SEC31B: variants seen among roughly 807,000 people sequenced by gnomAD.
SEC31B encodes the protein SEC31 homolog B, COPII component, also known as protein transport protein Sec31B.
A neutral mutation model predicts 135.0 loss-of-function variants in SEC31B; 113 were observed. The ratio of observed to expected loss-of-function variants is 0.84; its 90% CI spans 0.72 to 0.98. The LOEUF is 0.98. SEC31B is among the 50% of genes least tolerant of loss of function. SEC31B has a pLI of 0.00. For missense variants in SEC31B, 1,296 were observed against 1,421.1 expected (o/e 0.91, Z 1.42); for synonymous variants, 508 against 549.4 (o/e 0.92, Z 1.05).
Position 100,516,908 on chromosome 10 carries a change from G to A in SEC31B, c.45C>T (p.Ser15=), listed in dbSNP as rs1737969778. 1.2e-6 allele frequency: 2 copies of A among 1,613,972 alleles called. No homozygotes were observed. The highest frequency in any genetic ancestry group is 1.7e-6 in the Non-Finnish European group (2 of 1,180,000). ...GATACAAAGGGTATTGGCTGGCTGG[G>A]CTCCATGCCTGGACAGCTGGCCGCT... ...ELERPAVQAW[S]PASQYPLYLA... The change falls in exon 2 of 26, where the codon AGC becomes AGT. Residue 15 remains serine (S), a synonymous_variant. Coordinates refer to ENST00000370345, the MANE Select transcript of SEC31B (RefSeq NM_015490.4).
chr10:100,513,246 A>G (rs574259977), intron 3 of SEC31B, among the ~76,000 whole-genome samples: 11 of 152,332 alleles, frequency 7.2e-5, no homozygotes, highest in African/African-American at 2.2e-4. Flanking sequence ...ACAGTTACAG[A>G]GGTGGGAAAA....
At chr10:100,490,508 G>A in intron 20 of SEC31B, 186 bp from the exon 21 acceptor site, 2 of 869,192 alleles carry the variant, frequency 2.3e-6, no homozygotes, top group Non-Finnish European at 3.4e-6. Context: ...CAATCCCATA[G>A]CATTGAAATA....
At chr10:100,506,242 C>A in intron 8 of SEC31B, 41 bp from the exon 9 acceptor site, 1 of 1,614,052 alleles carries the variant, frequency 6.2e-7, no homozygotes, top group Non-Finnish European at 8.5e-7. Context: ...GTCCATGAAA[C>A]CCAAAACACA....
intron 1 of SEC31B, among the ~76,000 whole-genome samples, chr10:100,519,515 G>A (rs1589743848): frequency 6.6e-6 from 1 of 152,390 alleles, no homozygotes; most frequent in East Asian, 1.9e-4. Context: ...GGACCAAGGC[G>A]GATGGGAAGG....
chr10:100,492,913 A>T (rs755901701), intron 19 of SEC31B, among the ~76,000 whole-genome samples: 31 of 152,334 alleles, frequency 2.0e-4, no homozygotes, highest in Non-Finnish European at 4.0e-4. Flanking sequence ...GTGTGACAAA[A>T]ATTATAAAAC....
At chr10:100,504,957 G>A (rs1325423970) in intron 10 of SEC31B, among the ~76,000 whole-genome samples, 1 of 152,074 alleles carries the variant, frequency 6.6e-6, no homozygotes, top group Non-Finnish European at 1.5e-5. Flanking sequence ...ATTTAGCCTT[G>A]TCTATAAAGC....
chr10:100,513,783 T>C (rs747806793), intron 3 of SEC31B, among the ~76,000 whole-genome samples: 1 of 152,024 alleles, frequency 6.6e-6, no homozygotes, highest in Non-Finnish European at 1.5e-5. Flanking sequence ...AACCTAAAAG[T>C]TTCTAATATC....
intron 17 of SEC31B, among the ~76,000 whole-genome samples, chr10:100,496,757 C>T (rs74154663): frequency 8.5e-4 from 130 of 152,314 alleles, no homozygotes; most frequent in African/African-American, 2.6e-3. Context: ...GTTTCATGTG[C>T]GACTTTTGTC....
In SEC31B at chr10:100,498,016, G is replaced by A. The variant is rs199831454; in HGVS notation, c.1863+13C>T. 8 of 1,613,852 alleles carry A rather than the reference G, an allele frequency of 5.0e-6. No individual in the cohort carries two copies. The highest frequency in any genetic ancestry group is 4.2e-6 in the Non-Finnish European group (5 of 1,179,902). ...AATCCCCTCCCTTCTTCTCCTGCAT[G>A]ATGGGCAGTTACCGAGGAGATTTTG... On this transcript the variant is annotated intron_variant, in intron 15 of 25. Coordinates refer to ENST00000370345, the MANE Select transcript of SEC31B (RefSeq NM_015490.4).
At chr10:100,516,302 A>C (rs1280972199) in intron 2 of SEC31B, 83 bp from the exon 3 acceptor site, 8 of 1,487,450 alleles carry the variant, frequency 5.4e-6, no homozygotes, top group South Asian at 1.3e-5. Context: ...GAAGAAGAGA[A>C]GGAACAGAAG....
chr10:100,495,903 A>G (rs1851400025), intron 18 of SEC31B, among the ~76,000 whole-genome samples: 1 of 152,134 alleles, frequency 6.6e-6, no homozygotes, highest in South Asian at 2.1e-4. Context: ...AAACACTTGC[A>G]TGCCTCCCTC....
intron 16 of SEC31B, 132 bp downstream of exon 16, chr10:100,497,535 C>A: frequency 6.5e-7 from 1 of 1,547,770 alleles, no homozygotes; most frequent in Non-Finnish European, 8.7e-7. Context: ...CTGGCTGAGC[C>A]AGATTCTAGC....
At chr10:100,504,942 T>C (rs535504634) in intron 10 of SEC31B, among the ~76,000 whole-genome samples, 1 of 152,180 alleles carries the variant, frequency 6.6e-6, no homozygotes, top group Admixed American at 6.5e-5. Context: ...TGGAGCCCTG[T>C]GCAAATTTAG....
chr10:100,516,991 C>T lies in SEC31B; in HGVS notation c.-39G>A, dbSNP rs1851863194. ...GGTGGCAGAAAACTGACATGGCCCTCAGCCCACTGAAAATAGAAACCAGCA... is the reference window on the plus strand; with the variant it reads ...GGTGGCAGAAAACTGACATGGCCCTTAGCCCACTGAAAATAGAAACCAGCA... On this transcript the variant is annotated 5_prime_UTR_variant, in exon 2 of 26. Coordinates refer to ENST00000370345, the MANE Select transcript of SEC31B (RefSeq NM_015490.4). The T allele has an allele frequency of 6.0e-6, 9 of 1,500,916 alleles. No individual in the cohort carries two copies. The highest frequency in any genetic ancestry group is 8.3e-6 in the Non-Finnish European group (9 of 1,078,522). 93.0% of individuals were successfully genotyped at this position (1,500,916 alleles called of 1,614,324 possible).
At chr10:100,505,652 C>G in intron 9 of SEC31B, 157 bp from the exon 10 acceptor site, 1 of 1,423,664 alleles carries the variant, frequency 7.0e-7, no homozygotes. Flanking sequence ...TGAGTGGTAG[C>G]GAGGGTGGGA....
At chr10:100,506,545 C>T in intron 7 of SEC31B, 125 bp from the exon 8 acceptor site, 1 of 734,312 alleles carries the variant, frequency 1.4e-6, no homozygotes, top group Non-Finnish European at 2.2e-6. Context: ...AATGCATGGT[C>T]TGATATTATC....
intron 22 of SEC31B, 121 bp from the exon 23 acceptor site, chr10:100,489,519 G>T: frequency 7.3e-7 from 1 of 1,371,594 alleles, no homozygotes; most frequent in Non-Finnish European, 1.0e-6. Flanking sequence ...AAACTGGGAA[G>T]TGAGGAGACT....
At chr10:100,490,996 A>T in intron 19 of SEC31B, 113 bp from the exon 20 acceptor site, 1 of 628,302 alleles carries the variant, frequency 1.6e-6, no homozygotes, top group East Asian at 3.2e-5. Flanking sequence ...TTTGAGGAAA[A>T]AAATCAATAA....
chr10:100,514,423 T>C (rs1851789267), intron 3 of SEC31B, among the ~76,000 whole-genome samples: 1 of 152,120 alleles, frequency 6.6e-6, no homozygotes, highest in African/African-American at 2.4e-5. Flanking sequence ...TATAAACATC[T>C]TGAATTAGCT....
Sources: allele counts gnomAD v4.1 joint callset (sites outside exome capture counted in the v4.1 genomes callset), GRCh38; gene constraint gnomAD v4.1.1; transcripts MANE v1.5; gene names NCBI Gene and HGNC (gene_info 2026-07-23, HGNC 2026-07-21).